Variants in SORCS2 observed in about 807,000 individuals in gnomAD.
SORCS2 encodes VPS10 domain-containing receptor SorCS2.
SORCS2 carries 100 observed loss-of-function variants against 141.6 expected under a neutral mutation model. That is an observed-to-expected ratio of 0.71 (90% CI 0.60 to 0.83). The LOEUF (loss-of-function observed/expected upper bound fraction) is 0.83. Ranked by LOEUF, SORCS2 falls within the 40% of genes least tolerant of loss-of-function variation. The probability of loss-of-function intolerance (pLI) is 0.00; values close to 1 mark genes in which losing one functional copy is unlikely to be tolerated. For synonymous variants in SORCS2, 789 were observed against 676.9 expected (o/e 1.17, Z -2.57); for missense variants, 1,646 against 1,560.2 (o/e 1.05, Z -0.93).
At chr4:7,368,349 A>G (rs1282217443) in intron 1 of SORCS2, among the ~76,000 whole-genome samples, 2 of 152,250 alleles carry the variant, frequency 1.3e-5, no homozygotes. Context: ...AAGGGCTGCC[A>G]AGTGGCATTG....
intron 2 of SORCS2, among the ~76,000 whole-genome samples, chr4:7,418,710 C>CT (rs910495404): frequency 8.4e-6 from 1 of 118,356 alleles, no homozygotes; most frequent in Non-Finnish European, 1.9e-5. Flanking sequence ...TGACCCCCCC[C>CT]CCCACCAGAT....
At chr4:7,275,966 C>T (rs1364027127) in intron 1 of SORCS2, among the ~76,000 whole-genome samples, 1 of 152,164 alleles carries the variant, frequency 6.6e-6, no homozygotes, top group African/African-American at 2.4e-5. Context: ...AGTGCCTGGA[C>T]CGAGGCTTGG....
intron 23 of SORCS2, among the ~76,000 whole-genome samples, chr4:7,730,288 A>T (rs1220458822): frequency 6.6e-6 from 1 of 152,174 alleles, no homozygotes; most frequent in Non-Finnish European, 1.5e-5. Context: ...GTTGCCAAGG[A>T]AGCAGAGAAC....
At position 7,645,549 on chromosome 4, in the gene SORCS2, G is replaced by A. The variant is rs62290666; in HGVS notation, c.813+7057G>A. 6.4e-3 allele frequency among the ~76,000 whole-genome samples: 968 copies of A among 152,216 alleles called. 6 individuals are homozygous for A. The highest frequency in any genetic ancestry group is 0.017 in the Middle Eastern group (5 of 294). ...TGGCATTCAACAAGCACAGCTCAGT[G>A]CCTGGCTCCGTAAAAGGCCACAGCT... On this transcript the variant is annotated intron_variant, in intron 4 of 26. Transcript: ENST00000507866.
chr4:7,473,863 G>A (rs1298562466), intron 2 of SORCS2, among the ~76,000 whole-genome samples: 1 of 152,160 alleles, frequency 6.6e-6, no homozygotes, highest in Non-Finnish European at 1.5e-5. Flanking sequence ...GGGGGGAGAG[G>A]GGTTCCCCAT....
chr4:7,590,524 G>A (rs1340865365), intron 3 of SORCS2, among the ~76,000 whole-genome samples: 1 of 152,214 alleles, frequency 6.6e-6, no homozygotes, highest in Non-Finnish European at 1.5e-5. Flanking sequence ...GGGCTGGGAC[G>A]TTGGGTGTCA....
chr4:7,453,606 C>G (rs1367540670), intron 2 of SORCS2, among the ~76,000 whole-genome samples: 12 of 126,398 alleles, frequency 9.5e-5, no homozygotes, highest in South Asian at 2.8e-4. Flanking sequence ...GGGTCAGGAG[C>G]TGTGTGTTGG....
intron 2 of SORCS2, among the ~76,000 whole-genome samples, chr4:7,490,830 C>T (rs1435418429): frequency 6.6e-6 from 1 of 152,086 alleles, no homozygotes; most frequent in Non-Finnish European, 1.5e-5. Context: ...CTGCACTCCT[C>T]CCAGGCCTGC....
chr4:7,399,153 C>A (rs1418901291), intron 2 of SORCS2, among the ~76,000 whole-genome samples: 1 of 152,176 alleles, frequency 6.6e-6, no homozygotes, highest in Non-Finnish European at 1.5e-5. Flanking sequence ...CTGCTCCTGT[C>A]CTCACCCTCT....
At chr4:7,388,957 C>T (rs1433839520) in intron 1 of SORCS2, among the ~76,000 whole-genome samples, 1 of 152,210 alleles carries the variant, frequency 6.6e-6, no homozygotes, top group Non-Finnish European at 1.5e-5. Context: ...ATTTCCCATG[C>T]ACAGCACTTC....
At chr4:7,622,923 T>C (rs1719296999) in intron 3 of SORCS2, among the ~76,000 whole-genome samples, 1 of 152,114 alleles carries the variant, frequency 6.6e-6, no homozygotes, top group Non-Finnish European at 1.5e-5. Context: ...CCACTGCTCA[T>C]GATGCGTCTG....
rs368625759 is a variant in SORCS2 at position 7,723,865 on chromosome 4, C to T, written c.2593C>T (p.Leu865Phe). The change falls in exon 19 of 27, where the codon CTC becomes TTC. Residue 865 changes from leucine to phenylalanine, a missense_variant. Transcript: ENST00000507866. Reference sequence around the variant, plus strand: ...CACGGCAGGCCACGATGAGGCGGTGCTCTTTGTCCAGGTCAACTGTAAGTT... The same window carrying T: ...CACGGCAGGCCACGATGAGGCGGTGTTCTTTGTCCAGGTCAACTGTAAGTT... ...ENTAGHDEAV[L>F]FVQVNSPLQA... 264 of 1,607,500 alleles carry T rather than the reference C, an allele frequency of 1.6e-4. No homozygotes were observed. Among genetic ancestry groups the T allele is most frequent in the Non-Finnish European group, 2.2e-4 (260 of 1,178,836 alleles).
Position 7,737,076 on chromosome 4 carries a change from C to A in SORCS2, c.3319C>A (p.Pro1107Thr). The A allele has an allele frequency of 6.4e-7, 1 of 1,551,200 alleles. No individual in the cohort carries two copies. The highest frequency in any genetic ancestry group is 8.7e-7 in the Non-Finnish European group (1 of 1,146,906). The change falls in exon 26 of 27, where the codon CCA (proline) becomes ACA (threonine). Residue 1107 changes from proline to threonine, a missense_variant. By Grantham distance (38) the Pro-to-Thr change is conservative. Coordinates refer to ENST00000507866, the MANE Select transcript of SORCS2 (RefSeq NM_020777.3). ...CTTGCCTCTGTCCAGCAGGAAACGG[C>A]CAGGCAGGACCGTGTACGCCCAAAT... ...FILYKFKRKR[P>T]GRTVYAQMHN... is the part of the protein sequence containing the mutation.
chr4:7,373,458 T>TTTATATATATATATA (rs1553850462), intron 1 of SORCS2, among the ~76,000 whole-genome samples: 1 of 82,832 alleles, frequency 1.2e-5, no homozygotes, highest in African/African-American at 7.1e-5. Flanking sequence ...TGAGAAACTT[T>TTTATATATATATATA]TATATATATA....
chr4:7,473,036 C>G (rs1560313530), intron 2 of SORCS2, among the ~76,000 whole-genome samples: 1 of 152,108 alleles, frequency 6.6e-6, no homozygotes, highest in Non-Finnish European at 1.5e-5. Flanking sequence ...GCATGCTAGA[C>G]ACGGTAGAGT....
At chr4:7,347,523 G>C (rs527262502) in intron 1 of SORCS2, among the ~76,000 whole-genome samples, 24 of 152,310 alleles carry the variant, frequency 1.6e-4, no homozygotes, top group African/African-American at 4.6e-4. Context: ...CAAAGAACTT[G>C]AGTGAGGCCC....
chr4:7,605,543 C>G (rs1374465653), intron 3 of SORCS2, among the ~76,000 whole-genome samples: 1 of 152,128 alleles, frequency 6.6e-6, no homozygotes, highest in Non-Finnish European at 1.5e-5. Flanking sequence ...TGTTTTCTTG[C>G]AAGCTTAACA....
At chr4:7,220,848 A>G (rs183865461) in intron 1 of SORCS2, among the ~76,000 whole-genome samples, 60 of 152,270 alleles carry the variant, frequency 3.9e-4, no homozygotes, top group Middle Eastern at 3.4e-3. Flanking sequence ...AATTTCCAGC[A>G]CACCCCACGT....
chr4:7,313,865 T>A (rs564639172), intron 1 of SORCS2, among the ~76,000 whole-genome samples: 2 of 152,282 alleles, frequency 1.3e-5, no homozygotes, highest in South Asian at 4.1e-4. Flanking sequence ...TCAGGGGCCC[T>A]ATCTCTTCTG....
Sources: allele counts gnomAD v4.1 joint callset (sites outside exome capture counted in the v4.1 genomes callset), GRCh38; gene constraint gnomAD v4.1.1; transcripts MANE v1.5; gene names NCBI Gene and HGNC (gene_info 2026-07-23, HGNC 2026-07-21).